ZNF236: variants seen among roughly 807,000 people sequenced by gnomAD.
ZNF236 encodes the protein zinc finger protein 236.
ZNF236 carries 50 observed loss-of-function variants against 191.2 expected under a neutral mutation model. The ratio of observed to expected loss-of-function variants is 0.26; its 90% CI spans 0.21 to 0.33. The LOEUF (loss-of-function observed/expected upper bound fraction) is 0.33, where lower values mean the gene tolerates loss of function less well. Among genes scored for constraint, ZNF236 ranks in the 10% least tolerant of loss-of-function variants. The pLI, the probability that ZNF236 is intolerant of heterozygous loss-of-function variation, is 1.00. For missense variants in ZNF236, 1,754 were observed against 2,374.5 expected, an observed-to-expected ratio of 0.74 and a Z score of 5.43; for synonymous variants, 907 against 928.8, an observed-to-expected ratio of 0.98 and a Z score of 0.43.
intron 28 of ZNF236, among the ~76,000 whole-genome samples, chr18:76,956,664 G>A (rs183088230): frequency 6.6e-6 from 1 of 152,204 alleles, no homozygotes; most frequent in African/African-American, 2.4e-5. Context: ...TTCCACTGCA[G>A]CAGAGCCATC....
intron 27 of ZNF236, among the ~76,000 whole-genome samples, chr18:76,955,266 G>A (rs1310489532): frequency 6.6e-6 from 1 of 152,026 alleles, no homozygotes; most frequent in Non-Finnish European, 1.5e-5. Context: ...AAGTTAGCTG[G>A]GCATGATGGT....
chr18:76,908,718 A>G, intron 14 of ZNF236, 145 bp downstream of exon 14: 2 of 1,002,824 alleles, frequency 2.0e-6, no homozygotes, highest in Non-Finnish European at 2.9e-6. Flanking sequence ...TGAGTATTTG[A>G]TATCATTCCA....
Position 76,908,405 on chromosome 18 carries a change from T to C in ZNF236, c.2383T>C (p.Ser795Pro). ...TGTAGACCAGCAGAGCATGCAGGCCTCCACTCAAATGCAGGTGGAGATCGA... is the reference window on the plus strand; with the variant it reads ...TGTAGACCAGCAGAGCATGCAGGCCCCCACTCAAATGCAGGTGGAGATCGA... ...STVDQQSMQASTQMQVEIESD... is the reference protein window; with the variant it reads ...STVDQQSMQAPTQMQVEIESD... Residue 795 changes from serine (S) to proline (P), a missense_variant, in exon 14 of 31, where the codon TCC becomes CCC. Coordinates refer to ENST00000320610, the MANE Select transcript of ZNF236 (RefSeq NM_001306089.2). 1 of 1,614,182 alleles carries C rather than the reference T, an allele frequency of 6.2e-7. No individual in the cohort carries two copies. The highest frequency in any genetic ancestry group is 1.3e-5 in the African/African-American group (1 of 75,054).
Position 76,925,211 on chromosome 18 carries a change from C to G in ZNF236, c.3684C>G (p.His1228Gln). ...CAGGTCAGAAGCTCTTCAGCTGTCA[C>G]GTCTGCAGCAACGCCTTCTCCACGA... ...THTGQKLFSCHVCSNAFSTKG... is the reference protein window; with the variant it reads ...THTGQKLFSCQVCSNAFSTKG... Residue 1228 changes from histidine (H) to glutamine (Q), a missense_variant, in exon 22 of 31, where the codon CAC becomes CAG. By Grantham distance (24) the His-to-Gln change is conservative (BLOSUM62 0). Coordinates refer to ENST00000320610, the MANE Select transcript of ZNF236 (RefSeq NM_001306089.2). This position sits in a 1 kb window ranked among gnomAD's most constrained non-coding sequence, Gnocchi z 5.7. The G allele has an allele frequency of 6.2e-7, 1 of 1,613,904 alleles. No homozygotes were observed. The highest frequency in any genetic ancestry group is 1.7e-4 in the Middle Eastern group (1 of 5,962).
At chr18:76,871,910 T>C (rs1976594672) in intron 5 of ZNF236, 85 bp downstream of exon 5, 3 of 1,509,272 alleles carry the variant, frequency 2.0e-6, no homozygotes, top group African/African-American at 2.8e-5. Context: ...ACTTGGAATC[T>C]GATCCCAGCT....
chr18:76,841,608 T>A (rs1375890612), intron 1 of ZNF236, among the ~76,000 whole-genome samples: 4 of 152,166 alleles, frequency 2.6e-5, no homozygotes, highest in African/African-American at 9.7e-5. Flanking sequence ...TAGGCTTACA[T>A]ATTAGTATAC....
intron 1 of ZNF236, among the ~76,000 whole-genome samples, chr18:76,827,612 T>C (rs1975054221): frequency 6.6e-6 from 1 of 152,182 alleles, no homozygotes; most frequent in South Asian, 2.1e-4. Context: ...TGGTGACAGA[T>C]TGGGCACCTG....
chr18:76,862,294 G>T (rs1976262521), intron 3 of ZNF236, among the ~76,000 whole-genome samples: 1 of 152,162 alleles, frequency 6.6e-6, no homozygotes, highest in Non-Finnish European at 1.5e-5. Context: ...GAAAAGGTTG[G>T]TCCAACAGAA....
At chr18:76,936,220 C>T (rs1351752687) in intron 25 of ZNF236, among the ~76,000 whole-genome samples, 2 of 152,208 alleles carry the variant, frequency 1.3e-5, no homozygotes, top group Non-Finnish European at 2.9e-5. Context: ...GTCATCTTGG[C>T]ATCCTTAGCA....
chr18:76,924,395 G>A (rs1373962876), intron 21 of ZNF236, among the ~76,000 whole-genome samples: 1 of 152,206 alleles, frequency 6.6e-6, no homozygotes, highest in African/African-American at 2.4e-5. Flanking sequence ...ATACCTTTTG[G>A]TGCCTCTTTC....
intron 11 of ZNF236, among the ~76,000 whole-genome samples, chr18:76,901,934 A>G (rs1395690448): frequency 6.6e-6 from 1 of 152,168 alleles, no homozygotes; most frequent in Non-Finnish European, 1.5e-5. Context: ...GAAGCAACAG[A>G]CCGGTTTCTT....
Position 76,894,663 on chromosome 18 carries a change from T to G in ZNF236, c.1418-350T>G, listed in dbSNP as rs1977347676. Among the ~76,000 whole-genome samples, 4 of 152,300 alleles carry G rather than the reference T, an allele frequency of 2.6e-5. No individual in the cohort carries two copies. In the South Asian group the frequency reaches 8.3e-4, roughly 32 times the overall value. ...TAGGCCCAATAAATACTTATTCCAGTGTCATTCCTTCTCTTCTCGTTCCCT... is the reference window on the plus strand; with the variant it reads ...TAGGCCCAATAAATACTTATTCCAGGGTCATTCCTTCTCTTCTCGTTCCCT... On this transcript the variant is annotated intron_variant, in intron 9 of 30. Transcript: ENST00000320610.
intron 1 of ZNF236, among the ~76,000 whole-genome samples, chr18:76,834,123 T>G (rs1170455548): frequency 6.6e-6 from 1 of 152,180 alleles, no homozygotes; most frequent in African/African-American, 2.4e-5. Flanking sequence ...TAAAATTTAT[T>G]AACAGAACAT....
chr18:76,958,260 C>T (rs977657041), intron 28 of ZNF236, among the ~76,000 whole-genome samples: 5 of 152,216 alleles, frequency 3.3e-5, no homozygotes, highest in Non-Finnish European at 7.3e-5. Flanking sequence ...GCCATTGTCT[C>T]AGAGAGCACT....
chr18:76,933,055 T>G (rs996576906), intron 25 of ZNF236, among the ~76,000 whole-genome samples: 4 of 152,228 alleles, frequency 2.6e-5, no homozygotes, highest in African/African-American at 9.6e-5. Context: ...CGAGCTGTCC[T>G]CAGTCAGTGG....
intron 3 of ZNF236, among the ~76,000 whole-genome samples, chr18:76,853,476 G>A (rs1975943514): frequency 6.6e-6 from 1 of 152,082 alleles, no homozygotes; most frequent in African/African-American, 2.4e-5. Context: ...TATAATACAA[G>A]TAATGCATAT....
At chr18:76,843,169 C>G (rs1975560315) in intron 1 of ZNF236, among the ~76,000 whole-genome samples, 1 of 152,114 alleles carries the variant, frequency 6.6e-6, no homozygotes, top group Admixed American at 6.5e-5. Flanking sequence ...AAGATTAAAT[C>G]TAACGTAGGC....
At position 76,960,861 on chromosome 18, in the gene ZNF236, A is replaced by G; in HGVS notation, c.5419+6A>G. On this transcript the variant is annotated splice_donor_region_variant and intron_variant, in intron 30 of 30. Coordinates refer to ENST00000320610, the MANE Select transcript of ZNF236 (RefSeq NM_001306089.2). This position sits in a 1 kb window ranked among gnomAD's most constrained non-coding sequence, Gnocchi z 4.4. ...GCGGGCGCACAGCTATGCTGGTGAG[A>G]ATGCTGCACCCGGGAGTGCGTGCTG... is the stretch of plus-strand genomic sequence containing the variant. The G allele has an allele frequency of 1.2e-6, 2 of 1,607,696 alleles. No individual in the cohort carries two copies. Among genetic ancestry groups the G allele is most frequent in the South Asian group, 2.2e-5 (2 of 90,876 alleles).
At position 76,881,484 on chromosome 18, in the gene ZNF236, G is replaced by C; in HGVS notation, c.1389G>C (p.Met463Ile). 1 of 1,612,392 alleles carries C rather than the reference G, an allele frequency of 6.2e-7. No homozygotes were observed. Among genetic ancestry groups the C allele is most frequent in the Non-Finnish European group, 8.5e-7 (1 of 1,179,622 alleles). ...PEKLDKKEKK[M>I]IKKKSPFLPG... ...AACTGGATAAAAAAGAAAAAAAAAT[G>C]ATAAAGAAGAAGTCACCGTTTCTAC... Residue 463 changes from methionine (M) to isoleucine (I), a missense_variant, in exon 9 of 31, where the codon ATG (methionine) becomes ATC (isoleucine). By Grantham distance (10) the Met-to-Ile change is conservative. This residue lies in a region of ZNF236 where 126 missense variants were observed against 110.9 expected (regional missense o/e 1.14). Transcript: ENST00000320610.
Sources: allele counts gnomAD v4.1 joint callset (sites outside exome capture counted in the v4.1 genomes callset), GRCh38; gene constraint gnomAD v4.1.1; regional missense constraint gnomAD v4.1.1; non-coding constraint Gnocchi (gnomAD v3.1); transcripts MANE v1.5; gene names NCBI Gene and HGNC (gene_info 2026-07-23, HGNC 2026-07-21).